Variants in IL1RAPL2 observed in about 807,000 individuals in gnomAD.
IL1RAPL2 encodes the protein interleukin 1 receptor accessory protein like 2.
Under a neutral mutation model 44.1 loss-of-function variants are expected in IL1RAPL2, and 3 were observed. The observed-to-expected ratio is 0.07, with a 90% CI of 0.03 to 0.18. The LOEUF is 0.18. Ranked by LOEUF, IL1RAPL2 falls within the 10% of genes least tolerant of loss-of-function variation. The pLI is 1.00. For missense variants in IL1RAPL2, 391 were observed against 496.4 expected (o/e 0.79, Z 2.02); for synonymous variants, 181 against 178.8 (o/e 1.01, Z -0.10).
At chrX:105,634,275 C>T (rs776351232) in intron 6 of IL1RAPL2, among the ~76,000 whole-genome samples, 1 of 110,986 alleles carries the variant, frequency 9.0e-6, no homozygotes, top group African/African-American at 3.3e-5. Flanking sequence ...CCTACAATTG[C>T]TCTCATTAAC....
intron 6 of IL1RAPL2, among the ~76,000 whole-genome samples, chrX:105,642,152 C>T (rs921215693): frequency 3.7e-5 from 4 of 109,515 alleles, no homozygotes; most frequent in South Asian, 4.0e-4. Context: ...CACAGCCCCC[C>T]ACTCCTGCCC....
At chrX:105,270,195 T>C (rs1352927809) in intron 5 of IL1RAPL2, among the ~76,000 whole-genome samples, 3 of 111,685 alleles carry the variant, frequency 2.7e-5, no homozygotes, top group Admixed American at 1.9e-4. Flanking sequence ...GTTTTATGCT[T>C]TCCAAGGATC....
chrX:105,234,395 G>T (rs1556199143), intron 4 of IL1RAPL2, among the ~76,000 whole-genome samples: 1 of 112,104 alleles, frequency 8.9e-6, no homozygotes, highest in East Asian at 2.8e-4. Context: ...TATCATAATG[G>T]TCTACTCTGT....
chrX:104,763,521 ACT>A (rs960979246), intron 2 of IL1RAPL2, among the ~76,000 whole-genome samples: 8 of 110,840 alleles, frequency 7.2e-5, no homozygotes, highest in African/African-American at 2.6e-4. Context: ...GCAGCACCCC[ACT>A]CTCTGCAATA....
intron 2 of IL1RAPL2, among the ~76,000 whole-genome samples, chrX:104,910,230 C>T (rs1396594231): frequency 8.9e-6 from 1 of 111,832 alleles, no homozygotes; most frequent in African/African-American, 3.3e-5. Flanking sequence ...GGTGCGCGCA[C>T]CCACTGACCT....
chrX:105,568,792 C>G (rs183439454), intron 6 of IL1RAPL2, among the ~76,000 whole-genome samples: 1 of 111,999 alleles, frequency 8.9e-6, no homozygotes, highest in East Asian at 2.8e-4. Flanking sequence ...TGAATTCTCA[C>G]TTTCCATTAC....
chrX:105,512,130 T>C (rs2036474996), intron 6 of IL1RAPL2, among the ~76,000 whole-genome samples: 2 of 111,345 alleles, frequency 1.8e-5, no homozygotes, highest in South Asian at 7.5e-4. Context: ...TGAAAAACTG[T>C]CACAAGCAGC....
intron 1 of IL1RAPL2, among the ~76,000 whole-genome samples, chrX:104,612,050 T>C (rs942910909): frequency 9.0e-6 from 1 of 110,591 alleles, no homozygotes; most frequent in Non-Finnish European, 1.9e-5. Flanking sequence ...TTTTTGATTG[T>C]TCATTTGTTT....
At chrX:105,134,269 A>C (rs1263495499) in intron 2 of IL1RAPL2, among the ~76,000 whole-genome samples, 4 of 112,444 alleles carry the variant, frequency 3.6e-5, no homozygotes, top group African/African-American at 1.3e-4. Flanking sequence ...CCAATGGCTT[A>C]AATGAAATTT....
chrX:105,075,487 A>G (rs1420389835), intron 2 of IL1RAPL2, among the ~76,000 whole-genome samples: 1 of 111,568 alleles, frequency 9.0e-6, no homozygotes, highest in Non-Finnish European at 1.9e-5. Flanking sequence ...CATCAAGGAT[A>G]TTGGTCTCAA....
At chrX:105,747,555 T>C (rs1372903170) in intron 8 of IL1RAPL2, among the ~76,000 whole-genome samples, 2 of 100,431 alleles carry the variant, frequency 2.0e-5, no homozygotes, top group South Asian at 9.6e-4. Flanking sequence ...CACACACATA[T>C]ATACACACAT....
At chrX:104,676,516 T>G (rs1261298571) in intron 2 of IL1RAPL2, among the ~76,000 whole-genome samples, 1 of 112,011 alleles carries the variant, frequency 8.9e-6, no homozygotes, top group Non-Finnish European at 1.9e-5. Context: ...GACCTTTCTC[T>G]CTGGCTGCCC....
chrX:104,665,960 G>T (rs188252233), intron 2 of IL1RAPL2, among the ~76,000 whole-genome samples: 1 of 111,554 alleles, frequency 9.0e-6, no homozygotes, highest in East Asian at 2.8e-4. Context: ...ATTTTGAAAT[G>T]ATACTGACAA....
chrX:105,410,321 G>A (rs2035685928), intron 5 of IL1RAPL2, among the ~76,000 whole-genome samples: 1 of 109,555 alleles, frequency 9.1e-6, no homozygotes, highest in South Asian at 4.1e-4. Context: ...GGTTGGTGAG[G>A]TAGGAAAAAA....
intron 7 of IL1RAPL2, among the ~76,000 whole-genome samples, chrX:105,718,849 G>A (rs761674315): frequency 1.6e-4 from 18 of 111,337 alleles, no homozygotes; most frequent in African/African-American, 5.9e-4. Flanking sequence ...TTGCTACTTG[G>A]GAGGCTGAGG....
At chrX:104,685,632 AG>A (rs1930972161) in intron 2 of IL1RAPL2, among the ~76,000 whole-genome samples, 2 of 111,330 alleles carry the variant, frequency 1.8e-5, no homozygotes, top group African/African-American at 6.5e-5. Flanking sequence ...GGGTGGGGGA[AG>A]GGGGAAGGGA....
intron 2 of IL1RAPL2, among the ~76,000 whole-genome samples, chrX:104,952,244 T>C (rs1002965610): frequency 8.9e-6 from 1 of 112,051 alleles, no homozygotes; most frequent in African/African-American, 3.2e-5. Flanking sequence ...TTTTAAAAAG[T>C]AAACTTTGCT....
chrX:105,356,738 A>G (rs1464036445), intron 5 of IL1RAPL2, among the ~76,000 whole-genome samples: 1 of 112,246 alleles, frequency 8.9e-6, no homozygotes, highest in Non-Finnish European at 1.9e-5. Flanking sequence ...CCAAAAAGAC[A>G]TATTAAGTTC....
intron 2 of IL1RAPL2, among the ~76,000 whole-genome samples, chrX:105,031,266 A>C (rs1205394195): frequency 0.011 from 1,152 of 106,979 alleles, 6 homozygotes; most frequent in Non-Finnish European, 0.016. Context: ...CCTGGCCAGA[A>C]CTTCCAACAC....
Sources: gnomAD v4.1 joint callset for allele counts (sites outside exome capture counted in the v4.1 genomes callset) on GRCh38, gnomAD v4.1.1 for gene constraint, MANE v1.5 for transcripts, NCBI Gene and HGNC (gene_info 2026-07-23, HGNC 2026-07-21) for gene names.